The following CAB39 variants were observed in gnomAD, a reference collection of about 807,000 sequenced individuals.
CAB39 encodes the protein calcium binding protein 39.
CAB39 carries 8 observed loss-of-function variants against 40.0 expected under a neutral mutation model. The ratio of observed to expected loss-of-function variants is 0.20; its 90% CI spans 0.12 to 0.36. The LOEUF (loss-of-function observed/expected upper bound fraction) is 0.36, where lower values mean the gene tolerates loss of function less well. Ranked by LOEUF, CAB39 falls within the 10% of genes least tolerant of loss-of-function variation. The pLI, the probability that CAB39 is intolerant of heterozygous loss-of-function variation, is 1.00. For synonymous variants in CAB39, 156 were observed against 141.6 expected, an observed-to-expected ratio of 1.10 and a Z score of -0.72; for missense variants, 270 against 401.1, an observed-to-expected ratio of 0.67 and a Z score of 2.79.
intron 2 of CAB39, among the ~76,000 whole-genome samples, chr2:230,766,351 T>C (rs867371307): frequency 2.6e-5 from 4 of 152,298 alleles, no homozygotes; most frequent in Middle Eastern, 3.4e-3. Context: ...AGATAATTAA[T>C]GGGAAAAATG....
intron 1 of CAB39, among the ~76,000 whole-genome samples, chr2:230,740,149 G>T (rs1575912312): frequency 1.3e-5 from 2 of 152,220 alleles, no homozygotes; most frequent in African/African-American, 2.4e-5. Context: ...TACGCCACCA[G>T]TGATACTATA....
chr2:230,749,324 A>G (rs1290952795), intron 1 of CAB39, among the ~76,000 whole-genome samples: 2 of 152,032 alleles, frequency 1.3e-5, no homozygotes, highest in African/African-American at 2.4e-5. Context: ...TGCTTTCTGG[A>G]GTAACACGTC....
At chr2:230,807,435 TTGAA>T (rs1465162076) in intron 5 of CAB39, among the ~76,000 whole-genome samples, 1 of 132,398 alleles carries the variant, frequency 7.6e-6, no homozygotes, top group Non-Finnish European at 1.6e-5. Flanking sequence ...CCCCAGGCCT[TTGAA>T]TGACCCTTTT....
chr2:230,737,464 C>A (rs902960646), intron 1 of CAB39, among the ~76,000 whole-genome samples: 1 of 152,002 alleles, frequency 6.6e-6, no homozygotes, highest in Admixed American at 6.6e-5. Flanking sequence ...AGAGATTGGC[C>A]GTATGGTTAA....
At chr2:230,739,716 A>G (rs1023257750) in intron 1 of CAB39, among the ~76,000 whole-genome samples, 2 of 151,746 alleles carry the variant, frequency 1.3e-5, no homozygotes, top group African/African-American at 4.8e-5. Flanking sequence ...CTGGTCTTGA[A>G]CTCCCGACCT....
In CAB39 at chr2:230,817,687, TG is replaced by T. The variant is rs1696426288; in HGVS notation, c.694-66del. Reference sequence around the variant, plus strand: ...TATACTTGATGATTATAAAATAAATTGTTTTTTTAAACTTTGATTTTTCTTT... The same window carrying T: ...TATACTTGATGATTATAAAATAAATTTTTTTTTAAACTTTGATTTTTCTTT... On this transcript the variant is annotated intron_variant, in intron 7 of 8. Coordinates refer to ENST00000258418, the MANE Select transcript of CAB39 (RefSeq NM_016289.4). 10 of 1,247,796 alleles carry T rather than the reference TG, an allele frequency of 8.0e-6. No individual in the cohort carries two copies. The South Asian group carries it at 1.0e-4, about 13-fold the overall frequency. The allele number at this position is 1,247,796 out of a possible 1,614,324, so 77.3% of individuals were successfully genotyped here.
chr2:230,743,181 G>A (rs1276203521), intron 1 of CAB39, among the ~76,000 whole-genome samples: 1 of 152,170 alleles, frequency 6.6e-6, no homozygotes, highest in Non-Finnish European at 1.5e-5. Context: ...GGTTAGTAGA[G>A]AAGAAGACAA....
chr2:230,733,588 C>T (rs528391170), intron 1 of CAB39, among the ~76,000 whole-genome samples: 1 of 152,338 alleles, frequency 6.6e-6, no homozygotes, highest in South Asian at 2.1e-4. Flanking sequence ...TCTTCCTTCA[C>T]TCTCCCATAA....
intron 5 of CAB39, among the ~76,000 whole-genome samples, chr2:230,805,080 C>T (rs541945067): frequency 3.3e-5 from 5 of 152,240 alleles, no homozygotes; most frequent in South Asian, 4.1e-4. Context: ...AAAAAGGATG[C>T]ATTCGTGTCC....
intron 2 of CAB39, among the ~76,000 whole-genome samples, chr2:230,784,689 A>G (rs991283279): frequency 1.3e-5 from 2 of 152,156 alleles, no homozygotes; most frequent in African/African-American, 4.8e-5. Flanking sequence ...TGGAAAGTTC[A>G]GGTGTAATTG....
chr2:230,773,217 A>G (rs559400096), intron 2 of CAB39, among the ~76,000 whole-genome samples: 1 of 152,006 alleles, frequency 6.6e-6, no homozygotes, highest in Non-Finnish European at 1.5e-5. Context: ...GGGAACCACA[A>G]AGGAGCATAA....
At chr2:230,730,700 TC>T (rs886487167) in intron 1 of CAB39, among the ~76,000 whole-genome samples, 2 of 152,140 alleles carry the variant, frequency 1.3e-5, no homozygotes, top group African/African-American at 4.8e-5. Flanking sequence ...TGCCTCGGCC[TC>T]CCAAAGTGCT....
chr2:230,757,483 G>A (rs1485517597), intron 1 of CAB39, among the ~76,000 whole-genome samples: 5 of 152,168 alleles, frequency 3.3e-5, no homozygotes, highest in Admixed American at 3.3e-4. Context: ...AAATGATTAT[G>A]TCATGCCTCC....
At chr2:230,785,818 G>T (rs576052773) in intron 2 of CAB39, among the ~76,000 whole-genome samples, 1 of 151,782 alleles carries the variant, frequency 6.6e-6, no homozygotes, top group South Asian at 2.1e-4. Context: ...GAGTAGCTGA[G>T]ACTATAGGTG....
chr2:230,805,852 C>T (rs990369408), intron 5 of CAB39, among the ~76,000 whole-genome samples: 9 of 152,180 alleles, frequency 5.9e-5, no homozygotes, highest in African/African-American at 1.9e-4. Context: ...AAACTTCTAG[C>T]GAATTTCCAC....
intron 1 of CAB39, among the ~76,000 whole-genome samples, chr2:230,741,156 T>G (rs1694870503): frequency 6.6e-6 from 1 of 152,198 alleles, no homozygotes. Context: ...GGATAAATTT[T>G]ATAGGAATTT....
intron 5 of CAB39, among the ~76,000 whole-genome samples, chr2:230,804,569 A>C (rs911735833): frequency 6.6e-6 from 1 of 152,224 alleles, no homozygotes; most frequent in African/African-American, 2.4e-5. Flanking sequence ...AAACAACCCC[A>C]TCAAAAAGTG....
chr2:230,746,661 G>C (rs1443293757), intron 1 of CAB39, among the ~76,000 whole-genome samples: 1 of 152,194 alleles, frequency 6.6e-6, no homozygotes, highest in African/African-American at 2.4e-5. Context: ...CACTTTGCTA[G>C]ATTTCCTGCT....
chr2:230,814,691 A>G (rs1696368826), intron 7 of CAB39, among the ~76,000 whole-genome samples: 1 of 152,132 alleles, frequency 6.6e-6, no homozygotes, highest in African/African-American at 2.4e-5. Context: ...TTATTTACAT[A>G]TTGTCTGTGG....
Sources: allele counts gnomAD v4.1 joint callset (sites outside exome capture counted in the v4.1 genomes callset), GRCh38; gene constraint gnomAD v4.1.1; transcripts MANE v1.5; gene names NCBI Gene and HGNC (gene_info 2026-07-23, HGNC 2026-07-21).